ZSWIM9: variants seen among roughly 807,000 people sequenced by gnomAD.
ZSWIM9 encodes uncharacterized protein ZSWIM9.
Under a neutral mutation model 25.0 loss-of-function variants are expected in ZSWIM9, and 11 were observed. That is an observed-to-expected ratio of 0.44 (90% CI 0.28 to 0.73). The LOEUF is 0.73. ZSWIM9 is among the 30% of genes least tolerant of loss of function. The pLI is 0.16. For missense variants in ZSWIM9, 1,070 were observed against 1,296.5 expected (o/e 0.83, Z 2.68); for synonymous variants, 562 against 582.1 (o/e 0.97, Z 0.50).
Position 48,182,188 on chromosome 19 carries a change from T to C in ZSWIM9, c.276-267T>C, listed in dbSNP as rs1217795592. On this transcript the variant is annotated intron_variant, in intron 2 of 3. Coordinates refer to ENST00000614654, the MANE Select transcript of ZSWIM9 (RefSeq NM_199341.4). The surrounding 1 kb of genome is among the most constrained non-coding windows in gnomAD (Gnocchi z 4.6). Reference sequence around the variant, plus strand: ...CATATTCCAGACACTGTGTAGGTGCTTTACCTATATTAACTCTTTTCATGC... The same window carrying C: ...CATATTCCAGACACTGTGTAGGTGCCTTACCTATATTAACTCTTTTCATGC... 1 of 510,800 alleles carries C rather than the reference T, an allele frequency of 2.0e-6. No homozygotes were observed. Among genetic ancestry groups the C allele is most frequent in the Admixed American group, 3.7e-5 (1 of 27,228 alleles). 31.6% of individuals were successfully genotyped at this position (510,800 alleles called of 1,614,324 possible).
At chr19:48,180,050 C>T (rs2036931661) in intron 2 of ZSWIM9, among the ~76,000 whole-genome samples, 1 of 152,048 alleles carries the variant, frequency 6.6e-6, no homozygotes, top group Admixed American at 6.6e-5. Flanking sequence ...GAGTTTTGCT[C>T]CTGTTGCCCA....
At position 48,182,876 on chromosome 19, in the gene ZSWIM9, C is replaced by T. The variant is rs2036967090; in HGVS notation, c.588+109C>T. 11 of 794,026 alleles carry T rather than the reference C, an allele frequency of 1.4e-5. No homozygotes were observed. The South Asian group carries it at 2.0e-4, about 14-fold the overall frequency. 49.2% of individuals were successfully genotyped at this position (794,026 alleles called of 1,614,324 possible). A position where few individuals can be genotyped will look rare whatever the true frequency, so the allele number is the denominator to read the frequency against. ...GCCCTCTCATCCCTTCACTCCTTTC[C>T]TCCATTCATCCGTTCATTCATTCAA... On this transcript the variant is annotated intron_variant, in intron 3 of 3. Transcript: ENST00000614654. The surrounding 1 kb of genome is among the most constrained non-coding windows in gnomAD (Gnocchi z 4.6).
At chr19:48,193,132 T>C (rs2123434854) in intron 3 of ZSWIM9, 1 of 155,038 alleles carries the variant, frequency 6.5e-6, no homozygotes, top group East Asian at 1.9e-4. Flanking sequence ...ACGCCAGGTG[T>C]CCTTCCATGC....
At chr19:48,185,132 TCATACTTTTTTTTTTTTTTTTTTTGAGA>T (rs2036994846) in intron 3 of ZSWIM9, among the ~76,000 whole-genome samples, 1 of 145,236 alleles carries the variant, frequency 6.9e-6, no homozygotes, top group East Asian at 2.2e-4. Flanking sequence ...TGACCTGCTT[TCATACTTTTTTTTTTTTTTTTTTTGAGA>T]CGGAGTTTCG....
In ZSWIM9 at chr19:48,196,759, C is replaced by G; in HGVS notation, c.2695C>G (p.Leu899Val). The change falls in exon 4 of 4, where the codon CTC (leucine) becomes GTC (valine). Residue 899 changes from leucine (L) to valine (V), a missense_variant. This residue lies in a region of ZSWIM9 where 583 missense variants were observed against 624.7 expected (regional missense o/e 0.93). Coordinates refer to ENST00000614654, the MANE Select transcript of ZSWIM9 (RefSeq NM_199341.4). Reference sequence around the variant, plus strand: ...CAGACACCTCTTTGCAGCGCGCCTCCTCACTGGGGCTGCCTTATTCCACAT... The same window carrying G: ...CAGACACCTCTTTGCAGCGCGCCTCGTCACTGGGGCTGCCTTATTCCACAT... ...PCRHLFAARL[L>V]TGAALFHMDL... 2 of 1,233,614 alleles carry G rather than the reference C, an allele frequency of 1.6e-6. No individual in the cohort carries two copies. Among genetic ancestry groups the G allele is most frequent in the South Asian group, 8.2e-5 (2 of 24,400 alleles). 76.4% of individuals were successfully genotyped at this position (1,233,614 alleles called of 1,614,324 possible). A position where few individuals can be genotyped will look rare whatever the true frequency, so the allele number is the denominator to read the frequency against.
chr19:48,191,092 ATG>A (rs940221946), intron 3 of ZSWIM9, among the ~76,000 whole-genome samples: 2,254 of 96,494 alleles, frequency 0.023, 50 homozygotes, highest in African/African-American at 0.058. Context: ...GTGTATGTGT[ATG>A]TGTGTGTGTG....
At position 48,192,480 on chromosome 19, in the gene ZSWIM9, AAT is replaced by A. The variant is rs1555787871; in HGVS notation, c.589-2155_589-2154del. ...AAAAAAAAAAAAAAAAAAAAAAAAA[AAT>A]ATATATATATATATATACACACACA... On this transcript the variant is annotated intron_variant, in intron 3 of 3. Transcript: ENST00000614654. 2.4e-3 allele frequency among the ~76,000 whole-genome samples: 42 copies of A among 17,384 alleles called. 2 individuals are homozygous for A. The highest frequency in any genetic ancestry group is 3.1e-3 in the South Asian group (1 of 322). 11.4% of individuals were successfully genotyped at this position (17,384 alleles called of 152,430 possible).
chr19:48,195,063 C>T lies in ZSWIM9; in HGVS notation c.999C>T (p.Gly333=). ...ETLFSKAQEL[G]GAGREDPGLW... is the part of the protein sequence containing the mutation. ...TCTTCAGCAAGGCGCAGGAGCTGGG[C>T]GGCGCCGGCCGCGAGGACCCGGGCC... Residue 333 remains glycine (G), a synonymous_variant, in exon 4 of 4, where the codon GGC becomes GGT. Transcript: ENST00000614654. The surrounding 1 kb of genome is among the most constrained non-coding windows in gnomAD (Gnocchi z 5.8). The T allele has an allele frequency of 1.5e-6, 2 of 1,371,432 alleles. No homozygotes were observed. The highest frequency in any genetic ancestry group is 1.5e-5 in the South Asian group (1 of 65,922). The allele number at this position is 1,371,432 out of a possible 1,614,324, so 85.0% of individuals were successfully genotyped here. A position where few individuals can be genotyped will look rare whatever the true frequency, so the allele number is the denominator to read the frequency against.
intron 2 of ZSWIM9, among the ~76,000 whole-genome samples, chr19:48,175,024 G>C (rs1162002373): frequency 6.6e-6 from 1 of 152,178 alleles, no homozygotes; most frequent in Non-Finnish European, 1.5e-5. Flanking sequence ...AGGATACAAA[G>C]GGAGTGGTCA....
intron 3 of ZSWIM9, among the ~76,000 whole-genome samples, chr19:48,190,754 A>C (rs929880162): frequency 1.3e-5 from 2 of 152,314 alleles, no homozygotes; most frequent in Admixed American, 1.3e-4. Flanking sequence ...TTCCCCTGCT[A>C]TGTAGTTACA....
intron 3 of ZSWIM9, among the ~76,000 whole-genome samples, chr19:48,189,139 A>G (rs1311715854): frequency 2.6e-5 from 4 of 152,190 alleles, no homozygotes; most frequent in African/African-American, 9.6e-5. Flanking sequence ...CAATCCCACT[A>G]CTGGTGATTT....
At chr19:48,183,945 T>C (rs916311343) in intron 3 of ZSWIM9, among the ~76,000 whole-genome samples, 1 of 138,130 alleles carries the variant, frequency 7.2e-6, no homozygotes, top group African/African-American at 2.5e-5. Flanking sequence ...ACGCCAGGCC[T>C]ACTTAAATTT....
intron 3 of ZSWIM9, among the ~76,000 whole-genome samples, chr19:48,192,593 T>C (rs997564602): frequency 5.4e-5 from 8 of 148,508 alleles, no homozygotes; most frequent in African/African-American, 2.0e-4. Flanking sequence ...TCCCACCTAC[T>C]GCTTTTGTTT....
Position 48,195,782 on chromosome 19 carries a change from A to G in ZSWIM9, c.1718A>G (p.Glu573Gly). The G allele has an allele frequency of 6.7e-7, 1 of 1,498,570 alleles. No homozygotes were observed. The highest frequency in any genetic ancestry group is 1.3e-5 in the South Asian group (1 of 78,286). 92.8% of individuals were successfully genotyped at this position (1,498,570 alleles called of 1,614,324 possible). The change falls in exon 4 of 4, where the codon GAA becomes GGA. Residue 573 changes from glutamate (E) to glycine (G), a missense_variant. By Grantham distance (98) the Glu-to-Gly change is moderately conservative (BLOSUM62 -2). This residue lies in a region of ZSWIM9 where 583 missense variants were observed against 624.7 expected (regional missense o/e 0.93). Transcript: ENST00000614654. This position sits in a 1 kb window ranked among gnomAD's most constrained non-coding sequence, Gnocchi z 5.8. ...GAGGGTGAGAAAGATTGGGGACTGGAAGGTTATGTCTGGAGGGGGTCCCAG... is the reference window on the plus strand; with the variant it reads ...GAGGGTGAGAAAGATTGGGGACTGGGAGGTTATGTCTGGAGGGGGTCCCAG... ...QLEGEKDWGL[E>G]GYVWRGSQLE...
In ZSWIM9 at chr19:48,182,914, G is replaced by A. The variant is rs909229489; in HGVS notation, c.588+147G>A. ...TTCATTCATTCAATAAGTACTTACCGAGGCATTGGGGATGCAGCAGCAAAC... is the reference window on the plus strand; with the variant it reads ...TTCATTCATTCAATAAGTACTTACCAAGGCATTGGGGATGCAGCAGCAAAC... On this transcript the variant is annotated intron_variant, in intron 3 of 3. Coordinates refer to ENST00000614654, the MANE Select transcript of ZSWIM9 (RefSeq NM_199341.4). The surrounding 1 kb of genome is among the most constrained non-coding windows in gnomAD (Gnocchi z 4.6). 4 of 673,532 alleles carry A rather than the reference G, an allele frequency of 5.9e-6. No homozygotes were observed. The highest frequency in any genetic ancestry group is 2.5e-6 in the Non-Finnish European group (1 of 404,496). 41.7% of individuals were successfully genotyped at this position (673,532 alleles called of 1,614,324 possible). A position where few individuals can be genotyped will look rare whatever the true frequency, so the allele number is the denominator to read the frequency against.
Position 48,197,044 on chromosome 19 carries a change from G to A in ZSWIM9, c.*217G>A. 6 of 546,588 alleles carry A rather than the reference G, an allele frequency of 1.1e-5. No homozygotes were observed. In the South Asian group the frequency reaches 1.1e-4, roughly 10 times the overall value. 33.9% of individuals were successfully genotyped at this position (546,588 alleles called of 1,614,324 possible). Reference sequence around the variant, plus strand: ...TGGAGCCACAGCTTGGGAAGGTGTTGATGGGCAGGGTGGATTCTGAGGGCT... The same window carrying A: ...TGGAGCCACAGCTTGGGAAGGTGTTAATGGGCAGGGTGGATTCTGAGGGCT... On this transcript the variant is annotated 3_prime_UTR_variant, in exon 4 of 4. Transcript: ENST00000614654.
intron 2 of ZSWIM9, among the ~76,000 whole-genome samples, chr19:48,177,353 G>A (rs2036903929): frequency 6.6e-6 from 1 of 152,196 alleles, no homozygotes; most frequent in Admixed American, 6.5e-5. Flanking sequence ...GCCAGGGTTT[G>A]TAGGTTACAT....
chr19:48,187,448 T>TATTA (rs1423661402), intron 3 of ZSWIM9, among the ~76,000 whole-genome samples: 1 of 104,236 alleles, frequency 9.6e-6, no homozygotes, highest in Non-Finnish European at 1.8e-5. Context: ...ATATATTATA[T>TATTA]ATTATATATT....
chr19:48,179,971 C>T (rs564390140), intron 2 of ZSWIM9, among the ~76,000 whole-genome samples: 1 of 152,314 alleles, frequency 6.6e-6, no homozygotes, highest in African/African-American at 2.4e-5. Context: ...CTTCCAGCTT[C>T]TAGAGACCAC....
Sources: gnomAD v4.1 joint callset for allele counts (sites outside exome capture counted in the v4.1 genomes callset) on GRCh38, gnomAD v4.1.1 for gene constraint, gnomAD v4.1.1 regional missense constraint, Gnocchi (gnomAD v3.1) non-coding constraint, MANE v1.5 for transcripts, NCBI Gene and HGNC (gene_info 2026-07-23, HGNC 2026-07-21) for gene names.